KCNAB1: variants seen among roughly 807,000 people sequenced by gnomAD.
The protein encoded by KCNAB1 is potassium voltage-gated channel subfamily A regulatory beta subunit 1.
In KCNAB1, 35 loss-of-function variants were observed where a neutral mutation model predicts 64.6. That is an observed-to-expected ratio of 0.54 (90% CI 0.41 to 0.72). KCNAB1 has a LOEUF of 0.72. Ranked by LOEUF, KCNAB1 falls within the 30% of genes least tolerant of loss-of-function variation. The probability of loss-of-function intolerance (pLI) is 0.00; values close to 1 mark genes in which losing one functional copy is unlikely to be tolerated. For missense variants in KCNAB1, 401 were observed against 512.9 expected, an observed-to-expected ratio of 0.78 and a Z score of 2.11; for synonymous variants, 177 against 183.8, an observed-to-expected ratio of 0.96 and a Z score of 0.30.
chr3:156,235,197 A>G (rs1289124691), intron 1 of KCNAB1, among the ~76,000 whole-genome samples: 2 of 152,162 alleles, frequency 1.3e-5, no homozygotes, highest in Non-Finnish European at 2.9e-5. Context: ...CAAGCTTGCC[A>G]TTTACCTTCT....
At chr3:156,458,956 G>T (rs1712671304) in intron 4 of KCNAB1, among the ~76,000 whole-genome samples, 1 of 152,178 alleles carries the variant, frequency 6.6e-6, no homozygotes, top group Admixed American at 6.5e-5. Context: ...TTTGGGGCAT[G>T]CTCCACAGCT....
chr3:156,381,047 T>A (rs962460969), intron 1 of KCNAB1, among the ~76,000 whole-genome samples: 2 of 152,186 alleles, frequency 1.3e-5, no homozygotes, highest in African/African-American at 2.4e-5. Context: ...GATTTAATCA[T>A]TCCACACTGT....
intron 1 of KCNAB1, among the ~76,000 whole-genome samples, chr3:156,416,645 T>G (rs770955202): frequency 5.3e-5 from 8 of 152,206 alleles, no homozygotes; most frequent in Admixed American, 1.3e-4. Flanking sequence ...TCACCTCCTA[T>G]GACATAAGCT....
intron 1 of KCNAB1, among the ~76,000 whole-genome samples, chr3:156,338,096 T>C (rs1330456383): frequency 6.6e-6 from 1 of 152,080 alleles, no homozygotes; most frequent in Non-Finnish European, 1.5e-5. Flanking sequence ...ATGGTCCAAC[T>C]CTCTGTGCCT....
At chr3:156,488,462 G>A (rs562599387) in intron 8 of KCNAB1, among the ~76,000 whole-genome samples, 2 of 152,190 alleles carry the variant, frequency 1.3e-5, no homozygotes, top group African/African-American at 4.8e-5. Context: ...ACAGTGCAAA[G>A]GCCCTGAGAT....
chr3:156,509,729 A>G (rs1717068198), intron 8 of KCNAB1, among the ~76,000 whole-genome samples: 1 of 152,184 alleles, frequency 6.6e-6, no homozygotes, highest in African/African-American at 2.4e-5. Flanking sequence ...CATTTGTCTG[A>G]GTCTCCTTTC....
chr3:156,324,896 A>G (rs555557095), intron 1 of KCNAB1, among the ~76,000 whole-genome samples: 7 of 152,068 alleles, frequency 4.6e-5, no homozygotes, highest in Admixed American at 1.3e-4. Flanking sequence ...TAACCCCACT[A>G]GAATCATAGG....
intron 1 of KCNAB1, among the ~76,000 whole-genome samples, chr3:156,292,500 A>C (rs569358719): frequency 6.6e-6 from 1 of 152,310 alleles, no homozygotes; most frequent in South Asian, 2.1e-4. Context: ...TTATACTATC[A>C]GAAATAGTTT....
At chr3:156,323,551 G>T (rs867746326) in intron 1 of KCNAB1, among the ~76,000 whole-genome samples, 58 of 152,264 alleles carry the variant, frequency 3.8e-4, no homozygotes, top group African/African-American at 1.3e-3. Context: ...TAGTATTAGA[G>T]AAGTATTTTT....
intron 2 of KCNAB1, among the ~76,000 whole-genome samples, chr3:156,445,392 G>A (rs1159959790): frequency 6.6e-6 from 1 of 152,190 alleles, no homozygotes; most frequent in African/African-American, 2.4e-5. Flanking sequence ...ACTGCAATTA[G>A]AGTTATCTGA....
At chr3:156,179,959 G>T (rs954441366) in intron 1 of KCNAB1, among the ~76,000 whole-genome samples, 7 of 152,130 alleles carry the variant, frequency 4.6e-5, no homozygotes, top group Admixed American at 4.6e-4. Flanking sequence ...CTTTAATGCT[G>T]ACATTGTATC....
chr3:156,305,211 T>C (rs3772229), intron 1 of KCNAB1, among the ~76,000 whole-genome samples: 10,604 of 152,246 alleles, frequency 0.07, 389 homozygotes, highest in Middle Eastern at 0.13. Context: ...TAGCATAGAA[T>C]GGGACAAATA....
chr3:156,288,555 TG>T (rs920781148), intron 1 of KCNAB1, among the ~76,000 whole-genome samples: 7 of 152,224 alleles, frequency 4.6e-5, no homozygotes, highest in African/African-American at 1.7e-4. Context: ...ATCTAATTTC[TG>T]GGCTCCTGAG....
intron 1 of KCNAB1, among the ~76,000 whole-genome samples, chr3:156,386,119 C>A (rs565681442): frequency 6.6e-6 from 1 of 152,136 alleles, no homozygotes; most frequent in Admixed American, 6.5e-5. Flanking sequence ...AAAAAGAGAC[C>A]GAGGCAAACT....
chr3:156,156,364 G>A (rs1715720225), intron 1 of KCNAB1, among the ~76,000 whole-genome samples: 1 of 152,090 alleles, frequency 6.6e-6, no homozygotes, highest in Admixed American at 6.6e-5. Context: ...ACTGATCAAG[G>A]GTGTGACATG....
chr3:156,259,039 T>C (rs1718273105), intron 1 of KCNAB1, among the ~76,000 whole-genome samples: 1 of 152,246 alleles, frequency 6.6e-6, no homozygotes. Flanking sequence ...GTGTCACAAA[T>C]TGACTAATTG....
chr3:156,520,029 C>G (rs745627136), intron 11 of KCNAB1, among the ~76,000 whole-genome samples: 3 of 151,856 alleles, frequency 2.0e-5, no homozygotes, highest in African/African-American at 7.3e-5. Flanking sequence ...GGAACCCCAA[C>G]AAAAAAACAC....
Position 156,537,229 on chromosome 3 carries a change from A to T in KCNAB1, c.*482A>T. 2.9e-6 allele frequency: 1 copy of T among 341,658 alleles called. No homozygotes were observed. The highest frequency in any genetic ancestry group is 4.9e-6 in the Non-Finnish European group (1 of 202,902). 21.2% of individuals were successfully genotyped at this position (341,658 alleles called of 1,614,324 possible). The stretch of plus-strand genomic sequence containing the variant: ...TGTTAAGTAAATAGTTATTAAAAAT[A>T]TATCTCACTGCAAAAAAAAAAAAGC... On this transcript the variant is annotated 3_prime_UTR_variant, in exon 14 of 14. Transcript: ENST00000490337.
intron 1 of KCNAB1, among the ~76,000 whole-genome samples, chr3:156,279,234 G>T (rs1318382545): frequency 6.7e-6 from 1 of 149,514 alleles, no homozygotes; most frequent in East Asian, 2.0e-4. Context: ...TTTTGTTCTT[G>T]CGATAGTTTA....
Sources: gnomAD v4.1 joint callset for allele counts (sites outside exome capture counted in the v4.1 genomes callset) on GRCh38, gnomAD v4.1.1 for gene constraint, MANE v1.5 for transcripts, NCBI Gene and HGNC (gene_info 2026-07-23, HGNC 2026-07-21) for gene names.